The following KCNN2 variants were observed in gnomAD, a reference collection of about 807,000 sequenced individuals.
KCNN2 encodes the protein small conductance calcium-activated potassium channel protein 2.
In KCNN2, 24 loss-of-function variants were observed where a neutral mutation model predicts 55.5. The observed-to-expected ratio is 0.43, with a 90% CI of 0.31 to 0.61. The LOEUF (loss-of-function observed/expected upper bound fraction) is 0.61, where lower values mean the gene tolerates loss of function less well. Among genes scored for constraint, KCNN2 ranks in the 20% least tolerant of loss-of-function variants. The pLI is 0.08. For synonymous variants in KCNN2, 431 were observed against 336.1 expected, an observed-to-expected ratio of 1.28 and a Z score of -3.09; for missense variants, 754 against 853.6, an observed-to-expected ratio of 0.88 and a Z score of 1.45.
At chr5:114,393,241 T>G (rs1386260134) in intron 2 of KCNN2, among the ~76,000 whole-genome samples, 1 of 152,202 alleles carries the variant, frequency 6.6e-6, no homozygotes, top group Non-Finnish European at 1.5e-5. Flanking sequence ...GAGCTTGGTT[T>G]TATTGAATAT....
chr5:114,189,417 G>C (rs1221760322), intron 1 of KCNN2, among the ~76,000 whole-genome samples: 1 of 152,096 alleles, frequency 6.6e-6, no homozygotes, highest in Non-Finnish European at 1.5e-5. Flanking sequence ...ATTTTTAATT[G>C]ATTGGATTGA....
Position 114,158,390 on chromosome 5 carries a change from C to A in KCNN2, c.-270-63090C>A, listed in dbSNP as rs372591581. ...TCTGTTTTGGTACCAGTACCATGCT[C>A]TTTTGGTTACTGTAGCCTTGTAGTA... On this transcript the variant is annotated intron_variant, in intron 1 of 10. Transcript: ENST00000512097. 7.8e-4 allele frequency among the ~76,000 whole-genome samples: 118 copies of A among 152,108 alleles called. 2 individuals carry two copies. The Middle Eastern group carries it at 0.017, about 22-fold the overall frequency.
At chr5:114,474,003 G>C (rs934095388) in intron 5 of KCNN2, among the ~76,000 whole-genome samples, 5 of 152,274 alleles carry the variant, frequency 3.3e-5, no homozygotes, top group Admixed American at 6.5e-5. Flanking sequence ...TTTTATAGTA[G>C]AGTCATCTTG....
chr5:114,391,940 G>C lies in KCNN2; in HGVS notation c.1219-12498G>C, dbSNP rs945014999. On this transcript the variant is annotated intron_variant, in intron 2 of 7. Coordinates refer to ENST00000673685, the MANE Select transcript of KCNN2 (RefSeq NM_021614.4). Reference sequence around the variant, plus strand: ...CAGATCCAAGTATCACCTCTATTTAGGGCTGGAGGAAGGGAAAGAAGAGGT... The same window carrying C: ...CAGATCCAAGTATCACCTCTATTTACGGCTGGAGGAAGGGAAAGAAGAGGT... Among the ~76,000 whole-genome samples the C allele has an allele frequency of 3.9e-5, 6 of 152,154 alleles. No homozygotes were observed. In the East Asian group the frequency reaches 1.2e-3, roughly 29 times the overall value.
intron 1 of KCNN2, among the ~76,000 whole-genome samples, chr5:114,108,459 A>G (rs905454970): frequency 6.6e-6 from 1 of 152,096 alleles, no homozygotes; most frequent in Non-Finnish European, 1.5e-5. Context: ...TTTTGCCCAC[A>G]TATTAAAAAG....
chr5:114,373,657 T>TATATATATATATATATATATATATA (rs1175218618), intron 2 of KCNN2, among the ~76,000 whole-genome samples: 1 of 117,620 alleles, frequency 8.5e-6, no homozygotes, highest in African/African-American at 3.0e-5. Flanking sequence ...TATATATATA[T>TATATATATATATATATATATATATA]AAAATTACTT....
At chr5:114,475,036 A>T (rs1207458071) in intron 5 of KCNN2, among the ~76,000 whole-genome samples, 2 of 152,230 alleles carry the variant, frequency 1.3e-5, no homozygotes, top group Non-Finnish European at 2.9e-5. Flanking sequence ...GAATATTGAT[A>T]TTCCATATCT....
chr5:114,268,886 C>T (rs559580055), intron 2 of KCNN2, among the ~76,000 whole-genome samples: 1 of 151,428 alleles, frequency 6.6e-6, no homozygotes, highest in African/African-American at 2.4e-5. Flanking sequence ...GCAGCAGGAA[C>T]AAAACAAGAG....
intron 1 of KCNN2, among the ~76,000 whole-genome samples, chr5:114,077,263 G>A (rs891768190): frequency 1.3e-5 from 2 of 152,222 alleles, no homozygotes; most frequent in Non-Finnish European, 1.5e-5. Context: ...ACTTACACCA[G>A]TATCAGTGGG....
chr5:114,331,184 C>A (rs1198242556), intron 2 of KCNN2, among the ~76,000 whole-genome samples: 1 of 151,832 alleles, frequency 6.6e-6, no homozygotes, highest in African/African-American at 2.4e-5. Flanking sequence ...TAGATAAGAA[C>A]AAAAGGTAGG....
chr5:114,333,215 C>T (rs951122743), intron 2 of KCNN2, among the ~76,000 whole-genome samples: 3 of 152,006 alleles, frequency 2.0e-5, no homozygotes, highest in Non-Finnish European at 4.4e-5. Context: ...ACACGGGAGC[C>T]GGGAGGGCGG....
At chr5:114,427,015 C>G (rs1389414310) in intron 3 of KCNN2, among the ~76,000 whole-genome samples, 1 of 152,176 alleles carries the variant, frequency 6.6e-6, no homozygotes. Flanking sequence ...GAATGGGGAA[C>G]TTTTTAATGA....
intron 3 of KCNN2, among the ~76,000 whole-genome samples, chr5:114,413,913 C>G (rs761289290): frequency 3.3e-5 from 5 of 152,124 alleles, no homozygotes; most frequent in Non-Finnish European, 7.3e-5. Context: ...TGTGTGCACT[C>G]CTGGGTAGCA....
intron 4 of KCNN2, among the ~76,000 whole-genome samples, chr5:114,467,651 C>T (rs1229395058): frequency 6.6e-6 from 1 of 152,090 alleles, no homozygotes; most frequent in Admixed American, 6.5e-5. Flanking sequence ...AATGTCCTTT[C>T]TTGAGGACCT....
chr5:114,402,676 A>G (rs988204054), intron 2 of KCNN2, among the ~76,000 whole-genome samples: 1 of 152,182 alleles, frequency 6.6e-6, no homozygotes, highest in Non-Finnish European at 1.5e-5. Flanking sequence ...AAAGGGGAAC[A>G]ATGGCGGCCC....
chr5:114,387,970 A>G (rs1314520502), intron 2 of KCNN2, among the ~76,000 whole-genome samples: 3 of 152,204 alleles, frequency 2.0e-5, no homozygotes, highest in African/African-American at 7.2e-5. Context: ...CTGTAGAGGC[A>G]GCTGCCATTC....
chr5:114,432,922 G>A (rs10041890), intron 3 of KCNN2, among the ~76,000 whole-genome samples: 1,580 of 152,310 alleles, frequency 0.01, 30 homozygotes, highest in African/African-American at 0.035. Flanking sequence ...TTCCCGCGGG[G>A]CATGGCTGGG....
intron 1 of KCNN2, among the ~76,000 whole-genome samples, chr5:114,153,285 C>G (rs1752563427): frequency 2.0e-5 from 3 of 152,132 alleles, no homozygotes; most frequent in African/African-American, 7.2e-5. Flanking sequence ...CCTTCAGATG[C>G]ACTTCTCGCC....
chr5:114,328,041 G>A (rs1488439711), intron 2 of KCNN2, among the ~76,000 whole-genome samples: 2 of 152,336 alleles, frequency 1.3e-5, no homozygotes, highest in Admixed American at 6.5e-5. Flanking sequence ...GGGCACATTA[G>A]TAAATGTTAT....
Sources: allele counts gnomAD v4.1 joint callset (sites outside exome capture counted in the v4.1 genomes callset), GRCh38; gene constraint gnomAD v4.1.1; transcripts MANE v1.5; gene names NCBI Gene and HGNC (gene_info 2026-07-23, HGNC 2026-07-21).